ANKRD44: variants seen among roughly 807,000 people sequenced by gnomAD.
ANKRD44 encodes serine/threonine-protein phosphatase 6 regulatory ankyrin repeat subunit B.
Under a neutral mutation model 116.0 loss-of-function variants are expected in ANKRD44, and 35 were observed. The observed-to-expected ratio is 0.30, with a 90% confidence interval of 0.23 to 0.40. The LOEUF is 0.40. Among genes scored for constraint, ANKRD44 ranks in the 10% least tolerant of loss-of-function variants. The pLI, the probability that ANKRD44 is intolerant of heterozygous loss-of-function variation, is 1.00. For synonymous variants in ANKRD44, 435 were observed against 461.8 expected (o/e 0.94, Z 0.74); for missense variants, 1,014 against 1,242.6 (o/e 0.82, Z 2.77).
chr2:197,160,947 T>C (rs1230445593), intron 2 of ANKRD44, among the ~76,000 whole-genome samples: 1 of 152,194 alleles, frequency 6.6e-6, no homozygotes, highest in Non-Finnish European at 1.5e-5. Flanking sequence ...AAGCCCCTTC[T>C]TAGTAACTTA....
intron 27 of ANKRD44, chr2:196,989,874 A>G (rs1364502556): frequency 8.3e-7 from 1 of 1,200,440 alleles, no homozygotes; most frequent in East Asian, 3.8e-5. Flanking sequence ...AAAAGTTAGT[A>G]TTTTGATTTA....
chr2:197,228,447 C>T (rs559652226), intron 1 of ANKRD44, among the ~76,000 whole-genome samples: 1 of 152,340 alleles, frequency 6.6e-6, no homozygotes, highest in South Asian at 2.1e-4. Context: ...CGCTTTCTCA[C>T]CAAGAGATTT....
rs575839332 is a variant in ANKRD44, at chr2:197,093,978, T to C, written c.1101-3946A>G. Among the ~76,000 whole-genome samples, 12 of 152,366 alleles carry C rather than the reference T, an allele frequency of 7.9e-5. No homozygotes were observed. In the East Asian group the frequency reaches 2.1e-3, roughly 27 times the overall value. ...TTGAATTAATGGAACACATTTATAT[T>C]AGCTAGTTCTAATTTAGCTGTTAGT... is the stretch of plus-strand genomic sequence containing the variant. On this transcript the variant is annotated intron_variant, in intron 10 of 27. Coordinates refer to ENST00000282272, the MANE Select transcript of ANKRD44 (RefSeq NM_001195144.2).
downstream of ANKRD44, among the ~76,000 whole-genome samples, chr2:196,986,408 A>G (rs1485917058): frequency 6.6e-6 from 1 of 151,484 alleles, no homozygotes; most frequent in Non-Finnish European, 1.5e-5. Context: ...GAGCAGAAAA[A>G]AACAAAACAA....
At chr2:197,015,300 T>C (rs749865014) in intron 17 of ANKRD44, 2 of 423,998 alleles carry the variant, frequency 4.7e-6, no homozygotes, top group Non-Finnish European at 8.8e-6. Flanking sequence ...TATAGAGGAA[T>C]AGAATTTGAG....
At chr2:197,240,884 C>T (rs1219132031) in intron 1 of ANKRD44, among the ~76,000 whole-genome samples, 1 of 151,316 alleles carries the variant, frequency 6.6e-6, no homozygotes, top group East Asian at 1.9e-4. Context: ...GGAAGTTCTA[C>T]AACAACCCAG....
At chr2:197,232,546 C>T (rs1037125268) in intron 1 of ANKRD44, among the ~76,000 whole-genome samples, 32 of 152,204 alleles carry the variant, frequency 2.1e-4, no homozygotes, top group African/African-American at 7.7e-4. Context: ...CTGAAAAGGA[C>T]TATGTGTCAA....
intron 16 of ANKRD44, among the ~76,000 whole-genome samples, chr2:197,045,029 T>C (rs1353001099): frequency 6.6e-6 from 1 of 152,130 alleles, no homozygotes; most frequent in African/African-American, 2.4e-5. Context: ...GCCAAAGAAT[T>C]ATCAAAGGTT....
In ANKRD44 at chr2:197,105,827, G is replaced by A. The variant is rs551090417; in HGVS notation, c.985+4939C>T. 5.9e-5 allele frequency among the ~76,000 whole-genome samples: 9 copies of A among 152,240 alleles called. No individual in the cohort carries two copies. The South Asian group carries it at 1.7e-3, about 28-fold the overall frequency. On this transcript the variant is annotated intron_variant, in intron 9 of 27. Coordinates refer to ENST00000282272, the MANE Select transcript of ANKRD44 (RefSeq NM_001195144.2). ...ATCCAGTGTGCACGTATCCATATCA[G>A]AGCTGCCCACGGTGGTCTGCCTGAA...
chr2:196,977,244 C>A (rs113320666), intron 21 of ANKRD44, among the ~76,000 whole-genome samples: 141 of 152,224 alleles, frequency 9.3e-4, no homozygotes, highest in Admixed American at 9.8e-4. Flanking sequence ...GCAATACTTC[C>A]CAAATTGATC....
At chr2:197,063,610 G>A (rs969756616) in intron 16 of ANKRD44, among the ~76,000 whole-genome samples, 4 of 152,154 alleles carry the variant, frequency 2.6e-5, no homozygotes, top group Non-Finnish European at 4.4e-5. Flanking sequence ...GTCTTTAAAT[G>A]ACCTGATGGA....
intron 21 of ANKRD44, among the ~76,000 whole-genome samples, chr2:196,970,388 G>T (rs561316707): frequency 2.0e-5 from 3 of 152,308 alleles, no homozygotes; most frequent in East Asian, 3.9e-4. Flanking sequence ...AAATCTCCGT[G>T]TTTTACAGTT....
chr2:197,001,970 T>A (rs1216396446), intron 21 of ANKRD44, 130 bp from the exon 22 acceptor site: 1 of 637,632 alleles, frequency 1.6e-6, no homozygotes, highest in African/African-American at 1.8e-5. Flanking sequence ...TCATTCTCCA[T>A]GAAATAATAT....
At chr2:197,158,377 C>T (rs955085777) in intron 2 of ANKRD44, among the ~76,000 whole-genome samples, 2 of 152,216 alleles carry the variant, frequency 1.3e-5, no homozygotes, top group Non-Finnish European at 2.9e-5. Context: ...CAGATTGGAA[C>T]TGCTCTAACC....
At chr2:197,211,040 AC>A (rs892856809) in intron 1 of ANKRD44, among the ~76,000 whole-genome samples, 6 of 151,744 alleles carry the variant, frequency 4.0e-5, no homozygotes, top group Non-Finnish European at 5.9e-5. Flanking sequence ...GGCCAGGAGG[AC>A]CCCCTGCCTC....
chr2:197,193,861 A>T (rs2080884367), intron 1 of ANKRD44, among the ~76,000 whole-genome samples: 2 of 152,170 alleles, frequency 1.3e-5, no homozygotes, highest in African/African-American at 2.4e-5. Context: ...CAGCCTGGGC[A>T]ACAGAGAGGG....
intron 15 of ANKRD44, among the ~76,000 whole-genome samples, chr2:197,079,679 A>G (rs1225229753): frequency 6.6e-6 from 1 of 152,250 alleles, no homozygotes; most frequent in African/African-American, 2.4e-5. Context: ...AGTGGGACAA[A>G]CATGTCTTTT....
intron 16 of ANKRD44, among the ~76,000 whole-genome samples, chr2:197,045,485 C>T (rs1265405054): frequency 6.6e-6 from 1 of 152,142 alleles, no homozygotes; most frequent in African/African-American, 2.4e-5. Context: ...TAAATTTCCA[C>T]CCCTGTTATT....
intron 1 of ANKRD44, among the ~76,000 whole-genome samples, chr2:197,223,284 T>A (rs1180458819): frequency 6.6e-6 from 1 of 152,202 alleles, no homozygotes; most frequent in Non-Finnish European, 1.5e-5. Context: ...TAAACCACTA[T>A]CCTGACATCA....
Sources: gnomAD v4.1 joint callset for allele counts (sites outside exome capture counted in the v4.1 genomes callset) on GRCh38, gnomAD v4.1.1 for gene constraint, MANE v1.5 for transcripts, NCBI Gene and HGNC (gene_info 2026-07-23, HGNC 2026-07-21) for gene names.